Variants in MYOF observed in about 807,000 individuals in gnomAD.
MYOF encodes fer-1-like 3, myoferlin.
MYOF carries 244 observed loss-of-function variants against 284.2 expected under a neutral mutation model. That is an observed-to-expected ratio of 0.86 (90% CI 0.77 to 0.95). The LOEUF (loss-of-function observed/expected upper bound fraction) is 0.95, where lower values mean the gene tolerates loss of function less well. MYOF is among the 40% of genes least tolerant of loss of function. The pLI, the probability that MYOF is intolerant of heterozygous loss-of-function variation, is 0.00. For synonymous variants in MYOF, 904 were observed against 919.7 expected (o/e 0.98, Z 0.31); for missense variants, 2,496 against 2,560.6 (o/e 0.97, Z 0.54).
intron 24 of MYOF, 104 bp from the exon 25 acceptor site, chr10:93,369,880 C>G (rs1461022904): frequency 1.4e-6 from 2 of 1,405,506 alleles, no homozygotes; most frequent in Non-Finnish European, 1.9e-6. Context: ...TTGCTTTCAC[C>G]AGTCTAATTT....
At chr10:93,364,377 A>T (rs1041818511) in intron 26 of MYOF, among the ~76,000 whole-genome samples, 1 of 152,246 alleles carries the variant, frequency 6.6e-6, no homozygotes, top group Non-Finnish European at 1.5e-5. Flanking sequence ...AGCTTCTTAC[A>T]GAGACCACAG....
intron 17 of MYOF, among the ~76,000 whole-genome samples, chr10:93,390,847 A>G (rs1188146893): frequency 1.3e-5 from 2 of 152,208 alleles, no homozygotes; most frequent in East Asian, 1.9e-4. Context: ...TGAATCACAG[A>G]ATATTCCAGT....
chr10:93,450,703 C>T lies in MYOF; in HGVS notation c.236+1347G>A, dbSNP rs376107644. Among the ~76,000 whole-genome samples, 24 of 152,310 alleles carry T rather than the reference C, an allele frequency of 1.6e-4. No individual in the cohort carries two copies. The East Asian group carries it at 3.9e-3, about 24-fold the overall frequency. On this transcript the variant is annotated intron_variant, in intron 3 of 53. Transcript: ENST00000359263. ...AGCAATCAGAGCATGTGACCACCTACCTCAACTAATTTATCCTAAATTTTT... is the reference window on the plus strand; with the variant it reads ...AGCAATCAGAGCATGTGACCACCTATCTCAACTAATTTATCCTAAATTTTT...
chr10:93,426,882 G>GTTT (rs1564709386), intron 4 of MYOF, among the ~76,000 whole-genome samples: 3 of 93,346 alleles, frequency 3.2e-5, no homozygotes, highest in Admixed American at 1.2e-4. Context: ...GAACGAGACT[G>GTTT]TCTTTTTTTT....
rs1192886702 is a variant in MYOF at position 93,381,227 on chromosome 10, A to G, written c.1868T>C (p.Val623Ala). 1 of 1,614,144 alleles carries G rather than the reference A, an allele frequency of 6.2e-7. No homozygotes were observed. The highest frequency in any genetic ancestry group is 1.3e-5 in the African/African-American group (1 of 75,034). Residue 623 changes from valine (V) to alanine (A), a missense_variant, in exon 20 of 54, where the codon GTA (valine) becomes GCA (alanine). By Grantham distance (64) the Val-to-Ala change is moderately conservative. This residue lies in a region of MYOF where 2,436 missense variants were observed against 2,480.7 expected (regional missense o/e 0.98). Transcript: ENST00000359263. ...LASTTQYSRA[V>A]FDGNYYYYLP... is the part of the protein sequence containing the mutation. ...GTTAGTGCCAATCTTACCATCAAAT[A>G]CAGCACGGCTGTACTGAGTTGTTGA...
At chr10:93,403,945 C>T (rs557826815) in intron 9 of MYOF, 78 bp downstream of exon 9, 121 of 1,467,982 alleles carry the variant, frequency 8.2e-5, no homozygotes, top group South Asian at 2.5e-4. Flanking sequence ...CACCAAGATG[C>T]GTACATAGGA....
chr10:93,330,740 AAGG>A (rs2133803569), intron 43 of MYOF, among the ~76,000 whole-genome samples: 1 of 152,266 alleles, frequency 6.6e-6, no homozygotes, highest in South Asian at 2.1e-4. Flanking sequence ...TGTTCTATTG[AAGG>A]AGAAGCTGTG....
In MYOF at chr10:93,335,977, A is replaced by T. The variant is rs1365868263; in HGVS notation, c.4507T>A (p.Leu1503Met). ...TTTTCATCCGACTTGCCTCGGTACA[A>T]CTTGAACGTATCTGAGAAGTCTGTC... ...GLTDFSDTFK[L>M]YRGKSDENED... The change falls in exon 41 of 54, where the codon TTG becomes ATG. Residue 1503 changes from leucine to methionine, a missense_variant. Leu to Met is a conservative substitution (Grantham distance 15). This residue lies in a region of MYOF where 2,436 missense variants were observed against 2,480.7 expected (regional missense o/e 0.98). Coordinates refer to ENST00000359263, the MANE Select transcript of MYOF (RefSeq NM_013451.4). 6.2e-7 allele frequency: 1 copy of T among 1,614,068 alleles called. No individual in the cohort carries two copies. The highest frequency in any genetic ancestry group is 1.3e-5 in the African/African-American group (1 of 74,936).
chr10:93,397,880 G>T (rs1046022607), intron 13 of MYOF, among the ~76,000 whole-genome samples: 24 of 151,854 alleles, frequency 1.6e-4, no homozygotes, highest in Non-Finnish European at 3.5e-4. Context: ...CATTCAGGTG[G>T]TCAGGCTCAG....
intron 25 of MYOF, among the ~76,000 whole-genome samples, chr10:93,369,031 CT>C (rs1260310546): frequency 6.8e-6 from 1 of 147,990 alleles, no homozygotes; most frequent in Non-Finnish European, 1.5e-5. Flanking sequence ...TGTAATGAGA[CT>C]TTTCATTAAC....
At chr10:93,346,166 G>A (rs1844175308) in intron 37 of MYOF, among the ~76,000 whole-genome samples, 1 of 152,168 alleles carries the variant, frequency 6.6e-6, no homozygotes, top group South Asian at 2.1e-4. Flanking sequence ...GTTTTATATG[G>A]GACATTTCTT....
At chr10:93,474,941 G>T (rs1162757716) in intron 1 of MYOF, among the ~76,000 whole-genome samples, 1 of 152,106 alleles carries the variant, frequency 6.6e-6, no homozygotes, top group Non-Finnish European at 1.5e-5. Context: ...TAGAGACAGG[G>T]ATTCACCATG....
chr10:93,359,332 TTGAG>T (rs1225088390), intron 29 of MYOF, among the ~76,000 whole-genome samples: 6 of 142,572 alleles, frequency 4.2e-5, no homozygotes, highest in East Asian at 2.8e-4. Context: ...CCACTTATTA[TTGAG>T]TGTTACTGTT....
chr10:93,414,890 C>T (rs925515826), intron 5 of MYOF, among the ~76,000 whole-genome samples: 14 of 151,974 alleles, frequency 9.2e-5, no homozygotes, highest in African/African-American at 3.4e-4. Context: ...ATTACAGGCA[C>T]CTGCCACCAC....
chr10:93,470,353 C>T (rs1231051478), intron 1 of MYOF, among the ~76,000 whole-genome samples: 2 of 152,078 alleles, frequency 1.3e-5, no homozygotes, highest in Admixed American at 1.3e-4. Flanking sequence ...CCATCACCAT[C>T]AATATAATTG....
At chr10:93,442,663 G>A (rs887297156) in intron 3 of MYOF, among the ~76,000 whole-genome samples, 2 of 152,182 alleles carry the variant, frequency 1.3e-5, no homozygotes, top group Non-Finnish European at 2.9e-5. Flanking sequence ...TATAATGGTG[G>A]TTTTGCATGC....
chr10:93,428,879 C>G (rs1376750760), intron 4 of MYOF, among the ~76,000 whole-genome samples: 3 of 152,188 alleles, frequency 2.0e-5, no homozygotes, highest in African/African-American at 7.2e-5. Context: ...CCCCCTTGAT[C>G]TGTGGTTTTC....
chr10:93,431,024 C>CTTTTCTTTTCTTTCT (rs1848827597), intron 4 of MYOF, among the ~76,000 whole-genome samples: 1 of 117,854 alleles, frequency 8.5e-6, no homozygotes, highest in East Asian at 2.3e-4. Context: ...TTTTTCTTTT[C>CTTTTCTTTTCTTTCT]TTTTTTTTTT....
intron 32 of MYOF, among the ~76,000 whole-genome samples, chr10:93,353,225 C>T (rs1334292757): frequency 6.6e-6 from 1 of 152,108 alleles, no homozygotes; most frequent in Non-Finnish European, 1.5e-5. Flanking sequence ...ATGTTCTCCC[C>T]TCCTCCCCTG....
Sources: gnomAD v4.1 joint callset for allele counts (sites outside exome capture counted in the v4.1 genomes callset) on GRCh38, gnomAD v4.1.1 for gene constraint, gnomAD v4.1.1 regional missense constraint, MANE v1.5 for transcripts, NCBI Gene and HGNC (gene_info 2026-07-23, HGNC 2026-07-21) for gene names.